Variants in MBD2 observed in about 807,000 individuals in gnomAD.
MBD2 encodes methyl-CpG-binding domain protein 2.
MBD2 carries 9 observed loss-of-function variants against 39.3 expected under a neutral mutation model. That is an observed-to-expected ratio of 0.23 (90% confidence interval 0.14 to 0.40). MBD2 has a LOEUF of 0.40. MBD2 is among the 10% of genes least tolerant of loss of function. MBD2 has a pLI of 1.00. For missense variants in MBD2, 458 were observed against 532.6 expected (o/e 0.86, Z 1.38); for synonymous variants, 233 against 211.1 (o/e 1.10, Z -0.90).
chr18:54,182,738 C>T (rs1187485595), intron 3 of MBD2, among the ~76,000 whole-genome samples: 1 of 152,020 alleles, frequency 6.6e-6, no homozygotes, highest in African/African-American at 2.4e-5. Context: ...TTCAAGACCA[C>T]CCTGGGCAAC....
chr18:54,155,574 C>T (rs1334530895), intron 6 of MBD2, among the ~76,000 whole-genome samples: 1 of 152,112 alleles, frequency 6.6e-6, no homozygotes, highest in Non-Finnish European at 1.5e-5. Context: ...TATGTTTATG[C>T]AAATATTTTC....
At chr18:54,211,101 G>T (rs1377428298) in intron 1 of MBD2, among the ~76,000 whole-genome samples, 1 of 151,472 alleles carries the variant, frequency 6.6e-6, no homozygotes, top group Non-Finnish European at 1.5e-5. Context: ...TCGATCTCCT[G>T]ACCTCGTGAT....
At chr18:54,209,938 T>TG (rs2086488435) in intron 1 of MBD2, among the ~76,000 whole-genome samples, 1 of 152,164 alleles carries the variant, frequency 6.6e-6, no homozygotes, top group Admixed American at 6.5e-5. Context: ...AGACTTAAAG[T>TG]GACTAAGCTT....
In MBD2 at chr18:54,154,167, A is replaced by C. The variant is rs973810802; in HGVS notation, c.*1157T>G. The stretch of plus-strand genomic sequence containing the variant: ...AATTTGTTTTCATTTGCTTATAACC[A>C]CTCCCTCCCTTCCTTGGTATCAGAT... On this transcript the variant is annotated 3_prime_UTR_variant, in exon 7 of 7. Coordinates refer to ENST00000256429, the MANE Select transcript of MBD2 (RefSeq NM_003927.5). 1 of 151,108 alleles carries C rather than the reference A, an allele frequency of 6.6e-6. No individual in the cohort carries two copies. The highest frequency in any genetic ancestry group is 1.5e-5 in the Non-Finnish European group (1 of 67,748). The allele number at this position is 151,108 out of a possible 1,614,324, so 9.4% of individuals were successfully genotyped here.
intron 3 of MBD2, among the ~76,000 whole-genome samples, chr18:54,170,415 A>G (rs2086171891): frequency 6.6e-6 from 1 of 152,226 alleles, no homozygotes; most frequent in Non-Finnish European, 1.5e-5. Context: ...AACAGGGATC[A>G]CAAACAACTC....
chr18:54,205,635 C>T (rs946462633), intron 1 of MBD2, among the ~76,000 whole-genome samples: 2 of 151,208 alleles, frequency 1.3e-5, no homozygotes, highest in Non-Finnish European at 2.9e-5. Context: ...CAGGGAACTC[C>T]GTAACTTCCC....
At chr18:54,178,316 AT>A (rs896499902) in intron 3 of MBD2, among the ~76,000 whole-genome samples, 3 of 152,224 alleles carry the variant, frequency 2.0e-5, no homozygotes, top group African/African-American at 4.8e-5. Context: ...ATACCAAAAA[AT>A]AATCACAAAA....
At chr18:54,205,743 G>A (rs1330760979) in intron 1 of MBD2, among the ~76,000 whole-genome samples, 3 of 152,076 alleles carry the variant, frequency 2.0e-5, no homozygotes, top group Non-Finnish European at 2.9e-5. Flanking sequence ...TGGTCACTCA[G>A]CAACTACTGC....
rs373646035 is a variant in MBD2, at chr18:54,172,347, T to C, written c.841-6181A>G. On this transcript the variant is annotated intron_variant, in intron 3 of 6. Transcript: ENST00000256429. ...AATCACATAGAACATGAAATTGTTA[T>C]TTGGTGGATAGAAATTAAAGAGACC... Among the ~76,000 whole-genome samples, 7 of 152,208 alleles carry C rather than the reference T, an allele frequency of 4.6e-5. No individual in the cohort carries two copies. In the East Asian group the frequency reaches 1.3e-3, roughly 29 times the overall value.
At chr18:54,169,366 C>T (rs916482740) in intron 3 of MBD2, among the ~76,000 whole-genome samples, 1 of 151,032 alleles carries the variant, frequency 6.6e-6, no homozygotes. Flanking sequence ...TCACCAAATT[C>T]CATGATCTTT....
At chr18:54,164,043 C>T (rs1284708265) in intron 5 of MBD2, among the ~76,000 whole-genome samples, 1 of 152,124 alleles carries the variant, frequency 6.6e-6, no homozygotes, top group Non-Finnish European at 1.5e-5. Flanking sequence ...ACTACCATGC[C>T]TCACTAATTG....
At position 54,205,254 on chromosome 18, in the gene MBD2, C is replaced by T; in HGVS notation, c.543-97G>A. ...CCCTACCCTCAATTGATACCCCATT[C>T]TAATTTTACATATTTTTAAAGAAAT... is the stretch of plus-strand genomic sequence containing the variant. On this transcript the variant is annotated intron_variant, in intron 1 of 6. Transcript: ENST00000256429. The T allele has an allele frequency of 4.8e-6, 5 of 1,045,234 alleles. No individual in the cohort carries two copies. In the South Asian group the frequency reaches 8.2e-5, roughly 17 times the overall value. 64.7% of individuals were successfully genotyped at this position (1,045,234 alleles called of 1,614,324 possible).
At chr18:54,158,762 C>T (rs2086072543) in intron 6 of MBD2, among the ~76,000 whole-genome samples, 1 of 152,052 alleles carries the variant, frequency 6.6e-6, no homozygotes, top group South Asian at 2.1e-4. Flanking sequence ...GCTAGAATTA[C>T]AAAATTCCAG....
At chr18:54,212,909 G>A (rs1203975574) in intron 1 of MBD2, among the ~76,000 whole-genome samples, 6 of 151,766 alleles carry the variant, frequency 4.0e-5, no homozygotes, top group Non-Finnish European at 7.4e-5. Flanking sequence ...GCACGTGCCT[G>A]TAGTCCCAGC....
intron 2 of MBD2, among the ~76,000 whole-genome samples, chr18:54,195,952 T>TG (rs1568087384): frequency 6.6e-6 from 1 of 152,200 alleles, no homozygotes; most frequent in East Asian, 1.9e-4. Flanking sequence ...AAAAAGTAAT[T>TG]GGAGATTTGC....
At chr18:54,200,203 T>C (rs138056915) in intron 2 of MBD2, among the ~76,000 whole-genome samples, 1 of 152,218 alleles carries the variant, frequency 6.6e-6, no homozygotes, top group South Asian at 2.1e-4. Flanking sequence ...ACGAAAGAAT[T>C]GAGCCTTTCC....
chr18:54,163,495 T>C (rs2086110641), intron 5 of MBD2, among the ~76,000 whole-genome samples: 1 of 152,128 alleles, frequency 6.6e-6, no homozygotes, highest in Non-Finnish European at 1.5e-5. Flanking sequence ...ATTGAGGTCA[T>C]AAAACCCACA....
rs1568098372 is a variant in MBD2 at position 54,224,373 on chromosome 18, GC to G, written c.186del (p.Arg63GlyfsTer102). 24 of 1,203,756 alleles carry G rather than the reference GC, an allele frequency of 2.0e-5. No individual in the cohort carries two copies. The highest frequency in any genetic ancestry group is 3.4e-4 in the Middle Eastern group (1 of 2,960). The allele number at this position is 1,203,756 out of a possible 1,614,324, so 74.6% of individuals were successfully genotyped here. On this transcript the variant is annotated frameshift_variant, in exon 1 of 7. Coordinates refer to ENST00000256429, the MANE Select transcript of MBD2 (RefSeq NM_003927.5). LOFTEE classifies it high-confidence loss of function. ...EGARGGGRGR[G>X]RWKQAGRGGG... The stretch of plus-strand genomic sequence containing the variant: ...CCGCCCCGGCCCGCCTGCTTCCACC[GC>G]CCCCGGCCACGGCCGCCGCCCCGAG...
intron 1 of MBD2, among the ~76,000 whole-genome samples, chr18:54,216,224 C>G (rs1012109790): frequency 1.3e-5 from 2 of 152,154 alleles, no homozygotes; most frequent in African/African-American, 4.8e-5. Flanking sequence ...TACATCAACA[C>G]TACACACACA....
Sources: allele counts gnomAD v4.1 joint callset (sites outside exome capture counted in the v4.1 genomes callset), GRCh38; gene constraint gnomAD v4.1.1; transcripts MANE v1.5; gene names NCBI Gene and HGNC (gene_info 2026-07-23, HGNC 2026-07-21).